The following GALNT17 variants were observed in gnomAD, a reference collection of about 807,000 sequenced individuals.
GALNT17 encodes the protein polypeptide N-acetylgalactosaminyltransferase 17.
Under a neutral mutation model 63.7 loss-of-function variants are expected in GALNT17, and 29 were observed. That is an observed-to-expected ratio of 0.46 (90% CI 0.34 to 0.62). GALNT17 has a LOEUF of 0.62. Ranked by LOEUF, GALNT17 falls within the 20% of genes least tolerant of loss-of-function variation. The pLI is 0.01. For synonymous variants in GALNT17, 305 were observed against 318.3 expected (o/e 0.96, Z 0.45); for missense variants, 603 against 799.6 (o/e 0.75, Z 2.97).
intron 1 of GALNT17, among the ~76,000 whole-genome samples, chr7:71,197,189 G>GTGC: frequency 8.9e-5 from 11 of 124,180 alleles, no homozygotes; most frequent in African/African-American, 3.4e-4. Context: ...TCACCCTGTT[G>GTGC]TGCTTTTTTT....
At chr7:71,524,016 G>A (rs1788574373) in intron 5 of GALNT17, among the ~76,000 whole-genome samples, 1 of 150,586 alleles carries the variant, frequency 6.6e-6, no homozygotes. Flanking sequence ...TACTCGGGAG[G>A]CTGAGGCAGG....
rs550020331 is a variant in GALNT17, at chr7:71,583,374, C to G, written c.1080+11972C>G. On this transcript the variant is annotated intron_variant, in intron 6 of 10. Coordinates refer to ENST00000333538, the MANE Select transcript of GALNT17 (RefSeq NM_022479.3). ...CTCCCGAAGTGCTAGGATTACAGGCCTGAGCCACCACATCTGGCCACCTGT... is the reference window on the plus strand; with the variant it reads ...CTCCCGAAGTGCTAGGATTACAGGCGTGAGCCACCACATCTGGCCACCTGT... Among the ~76,000 whole-genome samples, 7 of 152,290 alleles carry G rather than the reference C, an allele frequency of 4.6e-5. No individual in the cohort carries two copies. In the East Asian group the frequency reaches 9.7e-4, roughly 21 times the overall value.
chr7:71,350,850 TC>T (rs1792176141), intron 2 of GALNT17, among the ~76,000 whole-genome samples: 1 of 152,126 alleles, frequency 6.6e-6, no homozygotes, highest in African/African-American at 2.4e-5. Flanking sequence ...AGCTCAAAAC[TC>T]TGGCAGCGGC....
chr7:71,216,696 A>G (rs1789488586), intron 1 of GALNT17, among the ~76,000 whole-genome samples: 1 of 152,098 alleles, frequency 6.6e-6, no homozygotes. Context: ...ACACATATAC[A>G]CATATATACA....
At chr7:71,578,958 C>T (rs1789583423) in intron 6 of GALNT17, among the ~76,000 whole-genome samples, 1 of 152,186 alleles carries the variant, frequency 6.6e-6, no homozygotes, top group Non-Finnish European at 1.5e-5. Flanking sequence ...TTGGAACTCT[C>T]GAGCTCAAAT....
chr7:71,646,023 G>T (rs1339486494), intron 6 of GALNT17, among the ~76,000 whole-genome samples: 2 of 152,206 alleles, frequency 1.3e-5, no homozygotes, highest in Middle Eastern at 3.4e-3. Context: ...CTTTTGATGT[G>T]GCAATATCTC....
chr7:71,581,533 G>A (rs1174708669), intron 6 of GALNT17, among the ~76,000 whole-genome samples: 1 of 152,132 alleles, frequency 6.6e-6, no homozygotes, highest in Admixed American at 6.5e-5. Context: ...CAACCCCCAT[G>A]ATCCAATCAC....
At chr7:71,148,496 C>T (rs1179698621) in intron 1 of GALNT17, among the ~76,000 whole-genome samples, 1 of 152,130 alleles carries the variant, frequency 6.6e-6, no homozygotes, top group Non-Finnish European at 1.5e-5. Context: ...AAAATAAGTA[C>T]AGTGGTAGCA....
chr7:71,578,477 G>T (rs183252812), intron 6 of GALNT17, among the ~76,000 whole-genome samples: 2 of 152,128 alleles, frequency 1.3e-5, no homozygotes, highest in Admixed American at 1.3e-4. Flanking sequence ...GGGACTGCAG[G>T]TGCACACCAC....
chr7:71,580,582 A>T (rs1789622041), intron 6 of GALNT17, among the ~76,000 whole-genome samples: 1 of 152,160 alleles, frequency 6.6e-6, no homozygotes, highest in Non-Finnish European at 1.5e-5. Context: ...AAAGCTGCGT[A>T]CACTCAGGAA....
intron 2 of GALNT17, among the ~76,000 whole-genome samples, chr7:71,336,242 A>T (rs1383544775): frequency 1.3e-5 from 2 of 151,834 alleles, no homozygotes; most frequent in Non-Finnish European, 2.9e-5. Flanking sequence ...ATGGGATTTT[A>T]TGCCTTTGGT....
intron 5 of GALNT17, among the ~76,000 whole-genome samples, chr7:71,461,221 C>A (rs774697109): frequency 7.5e-6 from 1 of 132,742 alleles, no homozygotes; most frequent in Admixed American, 7.7e-5. Context: ...TAGTTGACAC[C>A]GTAGACTTGT....
chr7:71,665,764 C>G (rs1445237401), intron 7 of GALNT17, among the ~76,000 whole-genome samples, 168 bp downstream of exon 7: 1 of 152,188 alleles, frequency 6.6e-6, no homozygotes, highest in Non-Finnish European at 1.5e-5. Flanking sequence ...GAACTCCTGC[C>G]TAACTCCAGG....
chr7:71,408,690 A>G (rs1793372465), intron 3 of GALNT17, among the ~76,000 whole-genome samples: 2 of 152,048 alleles, frequency 1.3e-5, no homozygotes, highest in Non-Finnish European at 2.9e-5. Context: ...CCCGGGTAAC[A>G]TAGCGAGACC....
intron 2 of GALNT17, among the ~76,000 whole-genome samples, chr7:71,365,263 CAG>C (rs1334537512): frequency 6.6e-6 from 1 of 151,912 alleles, no homozygotes; most frequent in Non-Finnish European, 1.5e-5. Context: ...TTTTTTGAAA[CAG>C]AGTCTCGCTC....
intron 5 of GALNT17, among the ~76,000 whole-genome samples, chr7:71,519,448 C>T (rs1237090455): frequency 6.6e-6 from 1 of 152,024 alleles, no homozygotes; most frequent in African/African-American, 2.4e-5. Context: ...CTGAGCTCTA[C>T]TGCATTTTTC....
intron 6 of GALNT17, among the ~76,000 whole-genome samples, chr7:71,603,052 A>G (rs1321993922): frequency 2.0e-5 from 3 of 152,136 alleles, no homozygotes; most frequent in Admixed American, 2.0e-4. Context: ...TGCTAAGTGC[A>G]TACACTGGAT....
chr7:71,668,262 A>G (rs1257386010), intron 7 of GALNT17, among the ~76,000 whole-genome samples: 5 of 151,588 alleles, frequency 3.3e-5, no homozygotes, highest in Admixed American at 6.6e-5. Context: ...CACGCCTGTA[A>G]TCCCAGCACT....
chr7:71,415,316 A>C (rs2116433765), intron 3 of GALNT17, among the ~76,000 whole-genome samples: 1 of 152,320 alleles, frequency 6.6e-6, no homozygotes, highest in East Asian at 1.9e-4. Flanking sequence ...TAATTAATGA[A>C]ATTAATCTAG....
Sources: allele counts gnomAD v4.1 joint callset (sites outside exome capture counted in the v4.1 genomes callset), GRCh38; gene constraint gnomAD v4.1.1; transcripts MANE v1.5; gene names NCBI Gene and HGNC (gene_info 2026-07-23, HGNC 2026-07-21).